KSR2: variants seen among roughly 807,000 people sequenced by gnomAD.
KSR2 encodes kinase suppressor of ras 2.
A neutral mutation model predicts 107.8 loss-of-function variants in KSR2; 25 were observed. The observed-to-expected ratio is 0.23, with a 90% CI of 0.17 to 0.32. The LOEUF (loss-of-function observed/expected upper bound fraction) is 0.32, where lower values mean the gene tolerates loss of function less well. KSR2 is among the 10% of genes least tolerant of loss of function. The pLI is 1.00. For synonymous variants in KSR2, 480 were observed against 507.0 expected (o/e 0.95, Z 0.71); for missense variants, 887 against 1,268.9 (o/e 0.70, Z 4.57).
At chr12:117,795,471 AT>A (rs1299703162) in intron 3 of KSR2, among the ~76,000 whole-genome samples, 1 of 152,118 alleles carries the variant, frequency 6.6e-6, no homozygotes, top group African/African-American at 2.4e-5. Context: ...ATGGCTCAGG[AT>A]TGTCAGGACA....
chr12:117,645,143 GCAGT>G (rs1313028239), intron 5 of KSR2, among the ~76,000 whole-genome samples: 1 of 152,182 alleles, frequency 6.6e-6, no homozygotes, highest in Non-Finnish European at 1.5e-5. Context: ...GAAGTTTGGA[GCAGT>G]CAAAGGCTAC....
rs1435264562 is a variant in KSR2, at chr12:117,897,050, A to T, written c.181-36619T>A. Among the ~76,000 whole-genome samples the T allele has an allele frequency of 6.6e-6, 1 of 152,178 alleles. No homozygotes were observed. The highest frequency in any genetic ancestry group is 1.5e-5 in the Non-Finnish European group (1 of 68,028). ...CATCTGCCTAACCAGGAGGTGTTAGAGTGAAGAGGTTTCTTCCTCTCTGCC... is the reference window on the plus strand; with the variant it reads ...CATCTGCCTAACCAGGAGGTGTTAGTGTGAAGAGGTTTCTTCCTCTCTGCC... On this transcript the variant is annotated intron_variant, in intron 1 of 19. Coordinates refer to ENST00000339824, the MANE Select transcript of KSR2 (RefSeq NM_173598.6). This position sits in a 1 kb window ranked among gnomAD's most constrained non-coding sequence, Gnocchi z 4.5.
At chr12:117,685,548 C>T (rs1445571566) in intron 4 of KSR2, among the ~76,000 whole-genome samples, 7 of 152,198 alleles carry the variant, frequency 4.6e-5, no homozygotes, top group Non-Finnish European at 5.9e-5. Flanking sequence ...AGTGATGGGC[C>T]CCCAGAGAAA....
intron 14 of KSR2, among the ~76,000 whole-genome samples, chr12:117,498,667 T>A (rs922725514): frequency 6.6e-6 from 1 of 152,064 alleles, no homozygotes; most frequent in Non-Finnish European, 1.5e-5. Context: ...ATAATCCCCA[T>A]GTGTTGTGGG....
intron 1 of KSR2, among the ~76,000 whole-genome samples, chr12:117,895,461 C>A (rs1342000261): frequency 6.6e-6 from 1 of 152,068 alleles, no homozygotes; most frequent in African/African-American, 2.4e-5. Context: ...AAAACCAATT[C>A]TCAGAATGGA....
At chr12:117,839,907 G>A (rs375591296) in intron 3 of KSR2, among the ~76,000 whole-genome samples, 4 of 152,138 alleles carry the variant, frequency 2.6e-5, no homozygotes, top group Non-Finnish European at 4.4e-5. Context: ...AACAGGGTTC[G>A]AGGAGGATTC....
At chr12:117,721,831 T>C (rs1005301785) in intron 4 of KSR2, among the ~76,000 whole-genome samples, 6 of 151,992 alleles carry the variant, frequency 3.9e-5, no homozygotes, top group African/African-American at 1.4e-4. Flanking sequence ...CAGAGGGAGG[T>C]GGGGCAGTTC....
chr12:117,919,456 G>C (rs747728578), intron 1 of KSR2, among the ~76,000 whole-genome samples: 1 of 152,208 alleles, frequency 6.6e-6, no homozygotes, highest in Non-Finnish European at 1.5e-5. Flanking sequence ...CCGGCAGAAT[G>C]TGAATCTTCA....
At chr12:117,964,813 C>T (rs1227812655) in intron 1 of KSR2, among the ~76,000 whole-genome samples, 2 of 152,176 alleles carry the variant, frequency 1.3e-5, no homozygotes, top group Non-Finnish European at 2.9e-5. Context: ...AGTAAAAAGA[C>T]AAGCTAGAAT....
intron 4 of KSR2, among the ~76,000 whole-genome samples, chr12:117,691,191 A>G (rs1885796857): frequency 1.3e-5 from 2 of 152,284 alleles, no homozygotes; most frequent in African/African-American, 4.8e-5. Context: ...AGGAGAAACA[A>G]AATTGCTGCA....
intron 3 of KSR2, among the ~76,000 whole-genome samples, chr12:117,801,995 C>G (rs1422260677): frequency 2.0e-5 from 3 of 152,140 alleles, no homozygotes; most frequent in Non-Finnish European, 4.4e-5. Flanking sequence ...TGCAAAAAGG[C>G]ATGGTGTAAG....
At chr12:117,541,930 G>C (rs1409579227) in intron 9 of KSR2, among the ~76,000 whole-genome samples, 2 of 151,818 alleles carry the variant, frequency 1.3e-5, no homozygotes, top group African/African-American at 4.8e-5. Flanking sequence ...CTGCGGCCTG[G>C]GCTGGAGGGT....
intron 1 of KSR2, among the ~76,000 whole-genome samples, chr12:117,937,469 T>C (rs1338231324): frequency 6.6e-6 from 1 of 152,098 alleles, no homozygotes; most frequent in African/African-American, 2.4e-5. Flanking sequence ...AACCTGCCTC[T>C]ACCTTAGGGG....
At chr12:117,565,068 C>T (rs187455694) in intron 7 of KSR2, among the ~76,000 whole-genome samples, 1 of 152,272 alleles carries the variant, frequency 6.6e-6, no homozygotes, top group South Asian at 2.1e-4. Context: ...AGCAGCTCTG[C>T]TGTTTTCTTG....
intron 5 of KSR2, among the ~76,000 whole-genome samples, chr12:117,660,526 T>A (rs1211027133): frequency 6.6e-6 from 1 of 152,130 alleles, no homozygotes; most frequent in Non-Finnish European, 1.5e-5. Flanking sequence ...AGGACACCAG[T>A]CATACTGGAC....
chr12:117,901,103 A>G (rs1894668535), intron 1 of KSR2, among the ~76,000 whole-genome samples: 1 of 152,164 alleles, frequency 6.6e-6, no homozygotes, highest in Admixed American at 6.5e-5. Flanking sequence ...AACAGTGCAC[A>G]GTGCGTCATG....
At chr12:117,550,997 G>C (rs1261735424) in intron 9 of KSR2, among the ~76,000 whole-genome samples, 1 of 152,190 alleles carries the variant, frequency 6.6e-6, no homozygotes, top group East Asian at 1.9e-4. Context: ...AGCCTAGGCG[G>C]GTCTCTGTAC....
chr12:117,732,893 A>T (rs1473605711), intron 4 of KSR2, among the ~76,000 whole-genome samples: 1 of 152,114 alleles, frequency 6.6e-6, no homozygotes, highest in Non-Finnish European at 1.5e-5. Context: ...AGATGCATGC[A>T]GAGCAGTGCC....
chr12:117,941,812 T>G (rs1169822462), intron 1 of KSR2, among the ~76,000 whole-genome samples: 2 of 147,568 alleles, frequency 1.4e-5, no homozygotes, highest in African/African-American at 5.0e-5. Flanking sequence ...TTTTTTTTTT[T>G]TTGCAGTTTT....
Sources: gnomAD v4.1 joint callset for allele counts (sites outside exome capture counted in the v4.1 genomes callset) on GRCh38, gnomAD v4.1.1 for gene constraint, Gnocchi (gnomAD v3.1) non-coding constraint, MANE v1.5 for transcripts, NCBI Gene and HGNC (gene_info 2026-07-23, HGNC 2026-07-21) for gene names.